Variants in NAA11 observed in about 807,000 individuals in gnomAD.
NAA11 encodes N-alpha-acetyltransferase 11.
NAA11 carries 15 observed loss-of-function variants against 16.1 expected under a neutral mutation model. The ratio of observed to expected loss-of-function variants is 0.93; its 90% CI spans 0.62 to 1.44. The LOEUF is 1.44. Among genes scored for constraint, NAA11 ranks in the 40% most tolerant of loss-of-function variants. NAA11 has a pLI of 0.00. For missense variants in NAA11, 298 were observed against 291.3 expected, an observed-to-expected ratio of 1.02 and a Z score of -0.17; for synonymous variants, 122 against 112.4, an observed-to-expected ratio of 1.09 and a Z score of -0.54.
intron 1 of NAA11, chr4:79,305,050 G>A (rs1723532766): frequency 6.6e-6 from 1 of 152,182 alleles, no homozygotes; most frequent in Non-Finnish European, 1.5e-5. Context: ...GGTACCTCAT[G>A]TCTCTGTCAT....
chr4:79,214,708 A>T, the NAA11 span, among the ~76,000 whole-genome samples: 3 of 152,136 alleles, frequency 2.0e-5, no homozygotes, highest in Non-Finnish European at 4.4e-5. Context: ...CTGAGGCAGG[A>T]GAATGGCATG....
the NAA11 span, among the ~76,000 whole-genome samples, chr4:79,190,567 T>G: frequency 6.6e-6 from 1 of 152,142 alleles, no homozygotes; most frequent in Non-Finnish European, 1.5e-5. Context: ...CATTTGCTGA[T>G]AATCATCCTG....
the NAA11 span, among the ~76,000 whole-genome samples, chr4:79,158,698 G>GATATAT: frequency 0.019 from 2,085 of 112,082 alleles, 113 homozygotes; most frequent in East Asian, 0.046. Context: ...CACATTACCT[G>GATATAT]ATATATATAT....
intron 2 of NAA11, among the ~76,000 whole-genome samples, chr4:79,272,011 C>CAT (rs753633435): frequency 6.6e-6 from 1 of 151,554 alleles, no homozygotes; most frequent in Non-Finnish European, 1.5e-5. Context: ...CACACACACA[C>CAT]ATATATATAC....
intron 1 of NAA11, among the ~76,000 whole-genome samples, chr4:79,311,160 G>T (rs182186112): frequency 1.3e-5 from 2 of 152,200 alleles, no homozygotes; most frequent in East Asian, 3.9e-4. Flanking sequence ...ATTAAAGACA[G>T]GAGCTTCTGT....
intron 1 of NAA11, among the ~76,000 whole-genome samples, chr4:79,301,505 TTAAA>T (rs1723382248): frequency 6.6e-6 from 1 of 152,256 alleles, no homozygotes; most frequent in African/African-American, 2.4e-5. Context: ...TTTATCAGCA[TTAAA>T]TAAATTGTAA....
At chr4:79,286,569 CAT>C (rs1722941462) in intron 2 of NAA11, among the ~76,000 whole-genome samples, 1 of 152,090 alleles carries the variant, frequency 6.6e-6, no homozygotes, top group Non-Finnish European at 1.5e-5. Context: ...TCTCTAGTCA[CAT>C]GAGATTACAG....
At chr4:79,157,252 C>T in the NAA11 span, among the ~76,000 whole-genome samples, 14 of 152,028 alleles carry the variant, frequency 9.2e-5, no homozygotes, top group African/African-American at 3.1e-4. Context: ...TCTCTCACCC[C>T]CTCCCACCTT....
chr4:79,284,878 CAAAAAAAAAA>C (rs558413914), intron 2 of NAA11, among the ~76,000 whole-genome samples: 173 of 5,148 alleles, frequency 0.034, 52 homozygotes, highest in African/African-American at 0.22. Context: ...GACTCCGTCT[CAAAAAAAAAA>C]AAAAAAAAAA....
In NAA11 at chr4:79,317,460, T is replaced by A. The variant is rs1262856083; in HGVS notation, c.*344A>T. 6.6e-6 allele frequency: 1 copy of A among 152,212 alleles called. No homozygotes were observed. The highest frequency in any genetic ancestry group is 1.9e-4 in the East Asian group (1 of 5,192). The allele number at this position is 152,212 out of a possible 1,614,324, so 9.4% of individuals were successfully genotyped here. ...TTCAAGAGTTTGCCCTGCTTCCTGT[T>A]CATCATTCTAAAAGGAGAAAAACTT... On this transcript the variant is annotated 3_prime_UTR_variant, in exon 2 of 2. Transcript: ENST00000286794.
chr4:79,242,382 CACTTGT>C (rs1360518233), intron 2 of NAA11, among the ~76,000 whole-genome samples: 3 of 152,230 alleles, frequency 2.0e-5, no homozygotes, highest in African/African-American at 7.2e-5. Context: ...TGCTTCAACT[CACTTGT>C]ACTATGGAGG....
the NAA11 span, among the ~76,000 whole-genome samples, chr4:79,165,589 A>C: frequency 6.6e-6 from 1 of 152,244 alleles, no homozygotes; most frequent in Admixed American, 6.5e-5. Flanking sequence ...ATAATGAATC[A>C]GTAATTAAAG....
chr4:79,243,921 G>A (rs1721748578), intron 2 of NAA11, among the ~76,000 whole-genome samples: 1 of 152,190 alleles, frequency 6.6e-6, no homozygotes, highest in African/African-American at 2.4e-5. Context: ...CCTTAGGGTG[G>A]GCTTTCCGCA....
chr4:79,212,881 A>G, the NAA11 span, among the ~76,000 whole-genome samples: 1 of 152,026 alleles, frequency 6.6e-6, no homozygotes, highest in African/African-American at 2.4e-5. Context: ...ATATCCCCCA[A>G]GGATAAAGAA....
At chr4:79,307,476 A>G (rs890670521) in intron 1 of NAA11, among the ~76,000 whole-genome samples, 1 of 152,172 alleles carries the variant, frequency 6.6e-6, no homozygotes, top group Non-Finnish European at 1.5e-5. Context: ...TATGAGCCTT[A>G]TATGTTCTTT....
chr4:79,177,630 C>T, the NAA11 span, among the ~76,000 whole-genome samples: 18 of 151,942 alleles, frequency 1.2e-4, no homozygotes, highest in African/African-American at 4.1e-4. Context: ...TTGTACCAAG[C>T]CTAATTTTGT....
At chr4:79,214,608 G>A in the NAA11 span, among the ~76,000 whole-genome samples, 1 of 152,040 alleles carries the variant, frequency 6.6e-6, no homozygotes, top group Non-Finnish European at 1.5e-5. Flanking sequence ...GACCATCCTG[G>A]CTAACACAGT....
At chr4:79,165,227 G>A in the NAA11 span, among the ~76,000 whole-genome samples, 29 of 152,174 alleles carry the variant, frequency 1.9e-4, no homozygotes, top group Non-Finnish European at 5.9e-5. Flanking sequence ...GGATAATGAT[G>A]GAGAATGGTG....
intron 2 of NAA11, among the ~76,000 whole-genome samples, chr4:79,284,194 C>A (rs898076604): frequency 2.6e-5 from 4 of 152,070 alleles, no homozygotes; most frequent in Non-Finnish European, 5.9e-5. Flanking sequence ...CTGTAAATTA[C>A]TAATCATATT....
Sources: allele counts gnomAD v4.1 joint callset (sites outside exome capture counted in the v4.1 genomes callset), GRCh38; gene constraint gnomAD v4.1.1; transcripts MANE v1.5; gene names NCBI Gene and HGNC (gene_info 2026-07-23, HGNC 2026-07-21).